CDKN1C: variants seen among roughly 807,000 people sequenced by gnomAD.
The protein encoded by CDKN1C is cyclin dependent kinase inhibitor 1C, also known as cyclin-dependent kinase inhibitor 1C.
Under a neutral mutation model 16.5 loss-of-function variants are expected in CDKN1C, and 7 were observed. The observed-to-expected ratio is 0.42, with a 90% CI of 0.24 to 0.80. CDKN1C has a LOEUF of 0.80. Among genes scored for constraint, CDKN1C ranks in the 30% least tolerant of loss-of-function variants. The pLI, the probability that CDKN1C is intolerant of heterozygous loss-of-function variation, is 0.26. For missense variants in CDKN1C, 429 were observed against 437.3 expected, an observed-to-expected ratio of 0.98 and a Z score of 0.17; for synonymous variants, 288 against 214.4, an observed-to-expected ratio of 1.34 and a Z score of -3.00.
In CDKN1C at chr11:2,884,709, C is replaced by T. The variant is rs768242627; in HGVS notation, c.748G>A (p.Gly250Ser). ...CCGGACAGCTTCTTGATCGCCGCGC[C>T]GTTGGCGCTGGCGGCCGCGGTGCCG... ...AAGTAAASAN[G>S]AAIKKLSGPL... The change falls in exon 2 of 4, where the codon GGC (glycine) becomes AGC (serine). Residue 250 changes from glycine to serine, a missense_variant. Physicochemically the swap from Gly to Ser is moderately conservative, Grantham distance 56. Transcript: ENST00000440480. The T allele has an allele frequency of 4.0e-6, 6 of 1,498,288 alleles. No individual in the cohort carries two copies. In the East Asian group the frequency reaches 1.1e-4, roughly 28 times the overall value. The allele number at this position is 1,498,288 out of a possible 1,614,324, so 92.8% of individuals were successfully genotyped here.
chr11:2,885,289 C>T lies in CDKN1C; in HGVS notation c.168G>A (p.Gln56=). The change falls in exon 2 of 4, where the codon CAG becomes CAA. Residue 56 remains glutamine, a synonymous_variant. Transcript: ENST00000440480. ...DQNRWDYDFQ[Q]DMPLRGPGRL... ...GTCCAGGGCCCCGCAGCGGCATGTC[C>T]TGCTGGAAGTCGTAATCCCAGCGGT... 3 of 1,592,598 alleles carry T rather than the reference C, an allele frequency of 1.9e-6. No individual in the cohort carries two copies. Among genetic ancestry groups the T allele is most frequent in the Non-Finnish European group, 2.6e-6 (3 of 1,171,000 alleles).
chr11:2,885,539 A>T, intron 1 of CDKN1C, 73 bp from the exon 2 acceptor site: 1 of 1,534,228 alleles, frequency 6.5e-7, no homozygotes. Context: ...GGACAGCGAG[A>T]AGAAGGGGAA....
At position 2,883,752 on chromosome 11, in the gene CDKN1C, T is replaced by TTA; in HGVS notation, c.*167_*168dup. ...GAATACATTTAGATATAAAAAGACG[T>TTA]TATTAATACATTGCACAGTTTTCAA... On this transcript the variant is annotated 3_prime_UTR_variant, in exon 4 of 4. Transcript: ENST00000440480. The TTA allele has an allele frequency of 6.9e-7, 1 of 1,446,678 alleles. No individual in the cohort carries two copies. The highest frequency in any genetic ancestry group is 9.0e-7 in the Non-Finnish European group (1 of 1,105,708). 89.6% of individuals were successfully genotyped at this position (1,446,678 alleles called of 1,614,324 possible). A position where few individuals can be genotyped will look rare whatever the true frequency, so the allele number is the denominator to read the frequency against.
Position 2,883,799 on chromosome 11 carries a change from G to T in CDKN1C, c.*122C>A, listed in dbSNP as rs1192451014. The T allele has an allele frequency of 2.0e-6, 3 of 1,508,156 alleles. No homozygotes were observed. Among genetic ancestry groups the T allele is most frequent in the Non-Finnish European group, 2.6e-6 (3 of 1,135,278 alleles). 93.4% of individuals were successfully genotyped at this position (1,508,156 alleles called of 1,614,324 possible). On this transcript the variant is annotated 3_prime_UTR_variant, in exon 4 of 4. Coordinates refer to ENST00000440480, the MANE Select transcript of CDKN1C (RefSeq NM_001122630.2). ...TCAAAATTTAAAAACAAAACCGAAC[G>T]CTGCTCTGCGGCAGCCGCCGCCGGT...
At position 2,885,742 on chromosome 11, in the gene CDKN1C, G is replaced by C. The variant is rs1053888635; in HGVS notation, c.-119C>G. 1.9e-5 allele frequency: 11 copies of C among 584,762 alleles called. No homozygotes were observed. The highest frequency in any genetic ancestry group is 3.0e-5 in the Admixed American group (1 of 32,886). The allele number at this position is 584,762 out of a possible 1,614,324, so 36.2% of individuals were successfully genotyped here. ...CTAGCTCGCTCGCTCAGGCCTGGCC[G>C]GCACCCCTCGAGCACAGCGCACTTG... On this transcript the variant is annotated 5_prime_UTR_variant, in exon 1 of 4. Coordinates refer to ENST00000440480, the MANE Select transcript of CDKN1C (RefSeq NM_001122630.2).
At chr11:2,884,635 C>G in intron 2 of CDKN1C, 35 bp downstream of exon 2, 1 of 1,186,476 alleles carries the variant, frequency 8.4e-7, no homozygotes, top group Non-Finnish European at 1.1e-6. Context: ...AAAGCGGGGC[C>G]GGGCCGGGCC....
Position 2,883,798 on chromosome 11 carries a change from C to G in CDKN1C, c.*123G>C. ...TTCAAAATTTAAAAACAAAACCGAA[C>G]GCTGCTCTGCGGCAGCCGCCGCCGG... On this transcript the variant is annotated 3_prime_UTR_variant, in exon 4 of 4. Transcript: ENST00000440480. 6.6e-7 allele frequency: 1 copy of G among 1,507,788 alleles called. No homozygotes were observed. Among genetic ancestry groups the G allele is most frequent in the Admixed American group, 2.4e-5 (1 of 42,336 alleles). 93.4% of individuals were successfully genotyped at this position (1,507,788 alleles called of 1,614,324 possible).
Position 2,884,133 on chromosome 11 carries a change from A to G in CDKN1C, c.789T>C (p.Asp263=). 6.7e-7 allele frequency: 1 copy of G among 1,482,678 alleles called. No homozygotes were observed. The highest frequency in any genetic ancestry group is 9.0e-7 in the Non-Finnish European group (1 of 1,112,130). 91.8% of individuals were successfully genotyped at this position (1,482,678 alleles called of 1,614,324 possible). ...IKKLSGPLIS[D]FFAKRKRSAP... ...CTGATCTCTTGCGCTTGGCGAAGAA[A>G]TCTGCGGGCGACAGCGCGCGCGGCC... The change falls in exon 3 of 4, where the codon GAT becomes GAC. Residue 263 remains aspartate (D), a splice_region_variant and synonymous_variant. Transcript: ENST00000440480.
chr11:2,884,849 G>T lies in CDKN1C; in HGVS notation c.608C>A (p.Pro203Gln), dbSNP rs1564929606. 2 of 1,148,826 alleles carry T rather than the reference G, an allele frequency of 1.7e-6. No individual in the cohort carries two copies. Among genetic ancestry groups the T allele is most frequent in the East Asian group, 8.1e-5 (2 of 24,682 alleles). The allele number at this position is 1,148,826 out of a possible 1,614,324, so 71.2% of individuals were successfully genotyped here. ...CTCTTGAGGCGCCGCGTCCGGGGCC[G>T]GGGCCGGGGCGGGGGCCGGGGCCGG... ...PAPAPAPAPA[P>Q]APDAAPQESA... is the part of the protein sequence containing the mutation. The change falls in exon 2 of 4, where the codon CCG becomes CAG. Residue 203 changes from proline to glutamine, a missense_variant. Pro to Gln is a moderately conservative substitution (Grantham distance 76). Coordinates refer to ENST00000440480, the MANE Select transcript of CDKN1C (RefSeq NM_001122630.2).
intron 2 of CDKN1C, 58 bp downstream of exon 2, chr11:2,884,612 C>G: frequency 9.1e-7 from 1 of 1,102,302 alleles, no homozygotes; most frequent in Non-Finnish European, 1.1e-6. Flanking sequence ...CTGGGGGGAC[C>G]GGCCGGCCGG....
chr11:2,883,956 G>A (rs780288064), intron 3 of CDKN1C, 41 bp from the exon 4 acceptor site: 37 of 1,569,424 alleles, frequency 2.4e-5, no homozygotes, highest in Non-Finnish European at 3.0e-5. Flanking sequence ...GCGGGGACCC[G>A]GCGGGTCGGC....
chr11:2,885,502 C>T (rs1848986058), intron 1 of CDKN1C, 36 bp from the exon 2 acceptor site: 1 of 1,540,664 alleles, frequency 6.5e-7, no homozygotes, highest in Non-Finnish European at 8.7e-7. Context: ...CCCGGGGCTG[C>T]GCAAACGCGG....
rs1590149645 is a variant in CDKN1C, at chr11:2,884,887, GGCTGGGGCCGGGGCCGCGACTGGA to G, written c.546_569del (p.Val184_Pro191del). 42 of 888,196 alleles carry G rather than the reference GGCTGGGGCCGGGGCCGCGACTGGA, an allele frequency of 4.7e-5. No homozygotes were observed. In the South Asian group the frequency reaches 5.1e-4, roughly 11 times the overall value. The allele number at this position is 888,196 out of a possible 1,614,324, so 55.0% of individuals were successfully genotyped here. On this transcript the variant is annotated inframe_deletion, in exon 2 of 4. Coordinates refer to ENST00000440480, the MANE Select transcript of CDKN1C (RefSeq NM_001122630.2). ...GGGCCGGGGCCGGGGCCGGGGCCGG[GGCTGGGGCCGGGGCCGCGACTGGA>G]GCCGGGGCCGGAGCCGGAGCCGGAG...
Position 2,884,674 on chromosome 11 carries a change from G to A in CDKN1C, c.783C>T (p.Ile261=), listed in dbSNP as rs2133781923. ...AAIKKLSGPL[I]SDFFAKRKRS... ...GCGGGGCCGTGCGGGGCTCACCGGA[G>A]ATCAGAGGCCCGGACAGCTTCTTGA... Residue 261 remains isoleucine, a synonymous_variant, in exon 2 of 4, where the codon ATC becomes ATT. Transcript: ENST00000440480. 7.1e-7 allele frequency: 1 copy of A among 1,404,862 alleles called. No homozygotes were observed. The allele number at this position is 1,404,862 out of a possible 1,614,324, so 87.0% of individuals were successfully genotyped here.
In CDKN1C at chr11:2,885,015, C is replaced by T. The variant is rs1237188823; in HGVS notation, c.442G>A (p.Ala148Thr). The T allele has an allele frequency of 1.7e-6, 2 of 1,204,138 alleles. No homozygotes were observed. The highest frequency in any genetic ancestry group is 3.2e-5 in the African/African-American group (2 of 62,954). The allele number at this position is 1,204,138 out of a possible 1,614,324, so 74.6% of individuals were successfully genotyped here. Residue 148 changes from alanine (A) to threonine (T), a missense_variant, in exon 2 of 4, where the codon GCC (alanine) becomes ACC (threonine). Physicochemically the swap from Ala to Thr is moderately conservative, Grantham distance 58. Coordinates refer to ENST00000440480, the MANE Select transcript of CDKN1C (RefSeq NM_001122630.2). ...GCCGCGACCGGAGCCGGAGCCGGGG[C>T]CGGGGCTGGAGCCAGGACCGGGACT... ...PPVPVLAPAP[A>T]PAPAPVAAPV...
At chr11:2,884,190 A>AG (rs1848887697) in intron 2 of CDKN1C, 56 bp from the exon 3 acceptor site, 3 of 1,258,218 alleles carry the variant, frequency 2.4e-6, no homozygotes, top group Admixed American at 7.9e-5. Context: ...GAGACCCGAG[A>AG]GGGGGCCGGG....
chr11:2,884,164 G>C, intron 2 of CDKN1C, 30 bp from the exon 3 acceptor site: 1 of 1,379,426 alleles, frequency 7.2e-7, no homozygotes, highest in Non-Finnish European at 9.5e-7. Context: ...CGGCCGGTCA[G>C]GGCGGGGCCG....
intron 1 of CDKN1C, 70 bp from the exon 2 acceptor site, chr11:2,885,536 G>A (rs1564931004): frequency 6.5e-7 from 1 of 1,535,322 alleles, no homozygotes; most frequent in African/African-American, 1.4e-5. Context: ...AGAGGACAGC[G>A]AGAAGAAGGG....
chr11:2,885,679 C>T lies in CDKN1C; in HGVS notation c.-56G>A. The T allele has an allele frequency of 1.5e-6, 1 of 687,500 alleles. No individual in the cohort carries two copies. Among genetic ancestry groups the T allele is most frequent in the Non-Finnish European group, 2.4e-6 (1 of 415,056 alleles). 42.6% of individuals were successfully genotyped at this position (687,500 alleles called of 1,614,324 possible). A position where few individuals can be genotyped will look rare whatever the true frequency, so the allele number is the denominator to read the frequency against. On this transcript the variant is annotated 5_prime_UTR_variant, in exon 1 of 4. Transcript: ENST00000440480. ...TCTTCTGCGTCGGGTTCGCCTGTCT[C>T]GTCCGGACGGCAGCCGCGCCCCCTC...
Sources: allele counts gnomAD v4.1 joint callset, GRCh38; gene constraint gnomAD v4.1.1; transcripts MANE v1.5; gene names NCBI Gene and HGNC (gene_info 2026-07-23, HGNC 2026-07-21).